The following MARCHF1 variants were observed in gnomAD, a reference collection of about 807,000 sequenced individuals.
MARCHF1 encodes membrane associated ring-CH-type finger 1.
In MARCHF1, 40 loss-of-function variants were observed where a neutral mutation model predicts 54.2. The ratio of observed to expected loss-of-function variants is 0.74; its 90% CI spans 0.57 to 0.96. MARCHF1 has a LOEUF of 0.96. Among genes scored for constraint, MARCHF1 ranks in the 40% least tolerant of loss-of-function variants. The probability of loss-of-function intolerance (pLI) is 0.00; values close to 1 mark genes in which losing one functional copy is unlikely to be tolerated. For missense variants in MARCHF1, 586 were observed against 656.5 expected (o/e 0.89, Z 1.17); for synonymous variants, 236 against 236.3 (o/e 1.00, Z 0.01).
intron 1 of MARCHF1, among the ~76,000 whole-genome samples, chr4:164,301,805 C>A (rs559664730): frequency 6.6e-6 from 1 of 152,020 alleles, no homozygotes; most frequent in African/African-American, 2.4e-5. Context: ...CTAAAAGGAT[C>A]GAATGCTGGA....
chr4:164,270,236 C>T (rs1228944457), intron 1 of MARCHF1, among the ~76,000 whole-genome samples: 1 of 152,158 alleles, frequency 6.6e-6, no homozygotes, highest in Non-Finnish European at 1.5e-5. Context: ...ACTGCATCTG[C>T]CTGGAACCTT....
Position 163,860,807 on chromosome 4 carries a change from A to G in MARCHF1, c.-38-6638T>C, listed in dbSNP as rs1030129611. On this transcript the variant is annotated intron_variant, in intron 3 of 9. Coordinates refer to ENST00000514618, the MANE Select transcript of MARCHF1 (RefSeq NM_001394959.1). ...AATAGTAGGGCACTACAAGAATTCT[A>G]TAGCTAGAGTAAACATTAAATACAG... Among the ~76,000 whole-genome samples, 7 of 152,328 alleles carry G rather than the reference A, an allele frequency of 4.6e-5. No homozygotes were observed. The East Asian group carries it at 1.4e-3, about 29-fold the overall frequency.
At chr4:164,143,723 A>G (rs1186039973) in intron 1 of MARCHF1, among the ~76,000 whole-genome samples, 1 of 152,224 alleles carries the variant, frequency 6.6e-6, no homozygotes, top group Non-Finnish European at 1.5e-5. Flanking sequence ...AAATCATGCC[A>G]AAATGTAAAG....
At chr4:163,903,497 T>A (rs1335167562) in intron 3 of MARCHF1, among the ~76,000 whole-genome samples, 1 of 152,222 alleles carries the variant, frequency 6.6e-6, no homozygotes, top group Non-Finnish European at 1.5e-5. Flanking sequence ...ATGTTTTAAA[T>A]CTAAAGCTTC....
At chr4:163,758,423 C>A (rs1579262335) in intron 4 of MARCHF1, among the ~76,000 whole-genome samples, 1 of 152,130 alleles carries the variant, frequency 6.6e-6, no homozygotes, top group African/African-American at 2.4e-5. Context: ...CTATTGTCAG[C>A]TTTAAGAACT....
At position 164,163,307 on chromosome 4, in the gene MARCHF1, C is replaced by A. The variant is rs1312750908; in HGVS notation, c.-322-51645G>T. Among the ~76,000 whole-genome samples the A allele has an allele frequency of 2.0e-5, 3 of 151,884 alleles. No individual in the cohort carries two copies. The East Asian group carries it at 5.8e-4, about 29-fold the overall frequency. ...ATAAAACTAAAATACAAAATAAAGA[C>A]AGCATACAAGTAAGATACAAAATAA... On this transcript the variant is annotated intron_variant, in intron 1 of 9. Coordinates refer to ENST00000514618, the MANE Select transcript of MARCHF1 (RefSeq NM_001394959.1).
At chr4:163,982,555 AT>A (rs1286995125) in intron 3 of MARCHF1, among the ~76,000 whole-genome samples, 3 of 152,240 alleles carry the variant, frequency 2.0e-5, no homozygotes, top group Admixed American at 1.3e-4. Flanking sequence ...GTGACATAAC[AT>A]TCTACCAAAA....
intron 1 of MARCHF1, among the ~76,000 whole-genome samples, chr4:164,234,617 G>A (rs1194367877): frequency 6.6e-6 from 1 of 152,040 alleles, no homozygotes; most frequent in Non-Finnish European, 1.5e-5. Flanking sequence ...TCTTATAATG[G>A]ATTGACTTGG....
intron 4 of MARCHF1, among the ~76,000 whole-genome samples, chr4:163,776,330 G>GTC (rs1050326501): frequency 2.0e-5 from 3 of 151,080 alleles, no homozygotes; most frequent in Admixed American, 6.6e-5. Flanking sequence ...CTCTCTTTCT[G>GTC]TCTCTCTCTC....
intron 1 of MARCHF1, among the ~76,000 whole-genome samples, chr4:164,118,974 C>A (rs1755999616): frequency 7.0e-6 from 1 of 143,616 alleles, no homozygotes; most frequent in Admixed American, 6.9e-5. Flanking sequence ...GACTCTCCCA[C>A]CAAGAAACAA....
chr4:164,265,362 T>C (rs1213306103), intron 1 of MARCHF1, among the ~76,000 whole-genome samples: 1 of 152,148 alleles, frequency 6.6e-6, no homozygotes, highest in Non-Finnish European at 1.5e-5. Context: ...ACTGAGATTA[T>C]GGTGTATAAA....
intron 5 of MARCHF1, among the ~76,000 whole-genome samples, chr4:163,653,636 A>C (rs1012721906): frequency 1.6e-4 from 24 of 151,720 alleles, no homozygotes; most frequent in Admixed American, 9.9e-4. Context: ...ATTATGGGAC[A>C]GTTTGAATGT....
At chr4:163,560,835 CAGAA>C (rs1739444254) in intron 8 of MARCHF1, among the ~76,000 whole-genome samples, 1 of 152,034 alleles carries the variant, frequency 6.6e-6, no homozygotes, top group Non-Finnish European at 1.5e-5. Context: ...TTTTAGTGTA[CAGAA>C]ATACATTTGG....
intron 2 of MARCHF1, among the ~76,000 whole-genome samples, chr4:164,092,069 C>T (rs1755316344): frequency 6.6e-6 from 1 of 152,114 alleles, no homozygotes; most frequent in African/African-American, 2.4e-5. Flanking sequence ...AAGGTCTCTT[C>T]TCACCGAGGC....
chr4:164,071,637 T>TA (rs1754869320), intron 2 of MARCHF1, among the ~76,000 whole-genome samples: 1 of 152,130 alleles, frequency 6.6e-6, no homozygotes, highest in African/African-American at 2.4e-5. Flanking sequence ...AAGGAATACT[T>TA]AAAATTTTGT....
intron 1 of MARCHF1, among the ~76,000 whole-genome samples, chr4:164,124,765 T>A (rs997017601): frequency 1.3e-5 from 2 of 152,046 alleles, no homozygotes; most frequent in Non-Finnish European, 2.9e-5. Flanking sequence ...AGAAGGATTG[T>A]TACCAATGCC....
chr4:164,287,250 G>T (rs1436846325), intron 1 of MARCHF1, among the ~76,000 whole-genome samples: 1 of 151,520 alleles, frequency 6.6e-6, no homozygotes, highest in African/African-American at 2.4e-5. Flanking sequence ...GTCAAATTAG[G>T]GTTTTCATGG....
intron 1 of MARCHF1, among the ~76,000 whole-genome samples, chr4:164,345,575 T>TAATAA (rs950747359): frequency 2.0e-4 from 3 of 15,162 alleles, no homozygotes; most frequent in African/African-American, 4.7e-4. Context: ...GTCTCAAACA[T>TAATAA]AATAATAATA....
chr4:163,983,604 A>G (rs553813080), intron 3 of MARCHF1, among the ~76,000 whole-genome samples: 2 of 152,304 alleles, frequency 1.3e-5, no homozygotes, highest in South Asian at 2.1e-4. Context: ...TGTCTGAAAA[A>G]AAGATTGCTA....
Sources: allele counts gnomAD v4.1 joint callset (sites outside exome capture counted in the v4.1 genomes callset), GRCh38; gene constraint gnomAD v4.1.1; transcripts MANE v1.5; gene names NCBI Gene and HGNC (gene_info 2026-07-23, HGNC 2026-07-21).